The following HUNK variants were observed in gnomAD, a reference collection of about 807,000 sequenced individuals.
HUNK encodes hormonally up-regulated neu tumor-associated kinase.
Under a neutral mutation model 61.0 loss-of-function variants are expected in HUNK, and 21 were observed. The ratio of observed to expected loss-of-function variants is 0.34; its 90% CI spans 0.24 to 0.50. The LOEUF (loss-of-function observed/expected upper bound fraction) is 0.50. Among genes scored for constraint, HUNK ranks in the 20% least tolerant of loss-of-function variants. The pLI, the probability that HUNK is intolerant of heterozygous loss-of-function variation, is 0.98. For synonymous variants in HUNK, 371 were observed against 386.1 expected, an observed-to-expected ratio of 0.96 and a Z score of 0.46; for missense variants, 772 against 945.7, an observed-to-expected ratio of 0.82 and a Z score of 2.41.
chr21:31,887,041 C>T (rs1160226750), intron 1 of HUNK, among the ~76,000 whole-genome samples: 54 of 152,178 alleles, frequency 3.5e-4, no homozygotes, highest in Non-Finnish European at 1.8e-4. Flanking sequence ...GTTCTGCAAG[C>T]GCTGTATGTT....
intron 8 of HUNK, among the ~76,000 whole-genome samples, chr21:31,987,342 C>T (rs2053140694): frequency 6.6e-6 from 1 of 152,190 alleles, no homozygotes; most frequent in South Asian, 2.1e-4. Context: ...CTTCCTGCCT[C>T]GTGCTTTGCA....
At chr21:31,927,402 G>T (rs2052668697) in intron 2 of HUNK, among the ~76,000 whole-genome samples, 1 of 152,068 alleles carries the variant, frequency 6.6e-6, no homozygotes, top group East Asian at 2.0e-4. Flanking sequence ...CCAGCACTTT[G>T]GGAGGCTGAG....
In HUNK at chr21:31,873,719, G is replaced by T; in HGVS notation, c.45G>T (p.Ala15=). Residue 15 remains alanine (A), a synonymous_variant, in exon 1 of 11, where the codon GCG becomes GCT. Coordinates refer to ENST00000270112, the MANE Select transcript of HUNK (RefSeq NM_014586.2). This position sits in a 1 kb window ranked among gnomAD's most constrained non-coding sequence, Gnocchi z 6.1. ...AGDGLLGEPA[A]PGGGGGAEDA... ...ACGGGCTCCTGGGGGAGCCGGCGGC[G>T]CCTGGGGGCGGCGGCGGCGCGGAGG... The T allele has an allele frequency of 8.3e-7, 1 of 1,201,512 alleles. No individual in the cohort carries two copies. Among genetic ancestry groups the T allele is most frequent in the Admixed American group, 4.5e-5 (1 of 22,148 alleles). 74.4% of individuals were successfully genotyped at this position (1,201,512 alleles called of 1,614,324 possible). A position where few individuals can be genotyped will look rare whatever the true frequency, so the allele number is the denominator to read the frequency against.
rs751938845 is a variant in HUNK, at chr21:31,921,154, CAAAAAAAAA to C, written c.262-3294_262-3286del. On this transcript the variant is annotated intron_variant, in intron 1 of 10. Transcript: ENST00000270112. ...TGGGCCACAGAGCGAGATTCCATCT[CAAAAAAAAA>C]AAAAAAAAAAAAAAAAAAAGAAGGA... Among the ~76,000 whole-genome samples the C allele has an allele frequency of 1.8e-4, 7 of 39,374 alleles. No homozygotes were observed. The South Asian group carries it at 3.9e-3, about 22-fold the overall frequency. The allele number at this position is 39,374 out of a possible 152,430, so 25.8% of individuals were successfully genotyped here. A position where few individuals can be genotyped will look rare whatever the true frequency, so the allele number is the denominator to read the frequency against.
At chr21:31,898,177 C>T (rs1005933668) in intron 1 of HUNK, among the ~76,000 whole-genome samples, 1 of 138,602 alleles carries the variant, frequency 7.2e-6, no homozygotes, top group Non-Finnish European at 1.5e-5. Context: ...ATTTTTTAAT[C>T]CATATACTCT....
intron 1 of HUNK, among the ~76,000 whole-genome samples, chr21:31,916,415 G>A (rs891722913): frequency 3.9e-5 from 6 of 151,994 alleles, no homozygotes; most frequent in Non-Finnish European, 7.4e-5. Flanking sequence ...TGTCATTACC[G>A]GGTGCATTAC....
chr21:31,969,550 AAAAAACATTTCTCTTTTTTCTTTT>A (rs1198225274), intron 6 of HUNK, among the ~76,000 whole-genome samples: 1 of 151,940 alleles, frequency 6.6e-6, no homozygotes, highest in Non-Finnish European at 1.5e-5. Flanking sequence ...ACTACAGATT[AAAAAACATTTCTCTTTTTTCTTTT>A]TTTTTTTTTT....
chr21:31,899,791 T>G (rs543933422), intron 1 of HUNK, among the ~76,000 whole-genome samples: 29 of 152,132 alleles, frequency 1.9e-4, no homozygotes, highest in East Asian at 7.7e-4. Flanking sequence ...GTGTTTTTTT[T>G]TTTTAGACAG....
At chr21:31,959,478 T>C (rs2052912970) in intron 5 of HUNK, among the ~76,000 whole-genome samples, 1 of 152,246 alleles carries the variant, frequency 6.6e-6, no homozygotes, top group South Asian at 2.1e-4. Flanking sequence ...TTAAGTTACT[T>C]GATTGGACTG....
chr21:31,946,910 G>A (rs1416460134), intron 4 of HUNK, among the ~76,000 whole-genome samples: 1 of 152,214 alleles, frequency 6.6e-6, no homozygotes, highest in East Asian at 1.9e-4. Flanking sequence ...CCACGCGCCC[G>A]GCCGTTCACT....
At chr21:31,963,132 C>T (rs1047943102) in intron 5 of HUNK, among the ~76,000 whole-genome samples, 2 of 152,204 alleles carry the variant, frequency 1.3e-5, no homozygotes, top group Non-Finnish European at 2.9e-5. Context: ...TCCAAAAATA[C>T]TAGTTTACCA....
intron 1 of HUNK, among the ~76,000 whole-genome samples, chr21:31,897,805 C>CT (rs1202148439): frequency 6.6e-6 from 1 of 152,136 alleles, no homozygotes; most frequent in Non-Finnish European, 1.5e-5. Context: ...GTAGACTGCC[C>CT]TGGGCATTGA....
At chr21:31,977,113 T>A (rs2053055708) in intron 7 of HUNK, among the ~76,000 whole-genome samples, 1 of 152,172 alleles carries the variant, frequency 6.6e-6, no homozygotes, top group Non-Finnish European at 1.5e-5. Flanking sequence ...CAAACTTCTT[T>A]CTCATACTTT....
At chr21:31,979,126 G>A (rs2053072974) in intron 7 of HUNK, among the ~76,000 whole-genome samples, 1 of 125,802 alleles carries the variant, frequency 7.9e-6, no homozygotes, top group African/African-American at 3.2e-5. Flanking sequence ...TTTTTTGAGA[G>A]GGAGTCTCGC....
At chr21:31,885,745 A>AT (rs1195928666) in intron 1 of HUNK, among the ~76,000 whole-genome samples, 9 of 151,304 alleles carry the variant, frequency 5.9e-5, no homozygotes, top group East Asian at 3.9e-4. Context: ...GTATTTTTTT[A>AT]TTTTTTTGAT....
intron 7 of HUNK, among the ~76,000 whole-genome samples, chr21:31,979,929 T>C (rs2053083498): frequency 6.6e-6 from 1 of 152,254 alleles, no homozygotes; most frequent in Non-Finnish European, 1.5e-5. Flanking sequence ...TTGAATTTGA[T>C]GTAATTACAT....
intron 8 of HUNK, among the ~76,000 whole-genome samples, chr21:31,988,343 A>T (rs1308492241): frequency 6.6e-6 from 1 of 152,218 alleles, no homozygotes; most frequent in Non-Finnish European, 1.5e-5. Context: ...TTGAAAAATA[A>T]TGTTAATTTA....
rs78108549 is a variant in HUNK at position 31,896,320 on chromosome 21, C to T, written c.261+22385C>T. Among the ~76,000 whole-genome samples, 407 of 152,336 alleles carry T rather than the reference C, an allele frequency of 2.7e-3. 4 individuals carry two copies. The highest frequency in any genetic ancestry group is 9.3e-3 in the African/African-American group (387 of 41,572). On this transcript the variant is annotated intron_variant, in intron 1 of 10. Coordinates refer to ENST00000270112, the MANE Select transcript of HUNK (RefSeq NM_014586.2). ...CTTCAGGAATCATGCCGGGAAACTT[C>T]ACCTGATTCACGAGACCACTTTCTA...
chr21:31,995,365 G>T (rs1040722638), intron 9 of HUNK, among the ~76,000 whole-genome samples: 4 of 152,226 alleles, frequency 2.6e-5, no homozygotes, highest in Non-Finnish European at 5.9e-5. Context: ...GGTGGAAGCA[G>T]TTATGTTTCC....
Sources: allele counts gnomAD v4.1 joint callset (sites outside exome capture counted in the v4.1 genomes callset), GRCh38; gene constraint gnomAD v4.1.1; non-coding constraint Gnocchi (gnomAD v3.1); transcripts MANE v1.5; gene names NCBI Gene and HGNC (gene_info 2026-07-23, HGNC 2026-07-21).